Variants in DLGAP4 observed in about 807,000 individuals in gnomAD.
DLGAP4 encodes the protein DLG associated protein 4, also known as disks large-associated protein 4.
DLGAP4 carries 18 observed loss-of-function variants against 86.9 expected under a neutral mutation model. The ratio of observed to expected loss-of-function variants is 0.21; its 90% CI spans 0.14 to 0.31. The LOEUF (loss-of-function observed/expected upper bound fraction) is 0.31, where lower values mean the gene tolerates loss of function less well. DLGAP4 is among the 10% of genes least tolerant of loss of function. The pLI is 1.00. For synonymous variants in DLGAP4, 548 were observed against 574.3 expected (o/e 0.95, Z 0.65); for missense variants, 1,085 against 1,362.6 (o/e 0.80, Z 3.21).
intron 1 of DLGAP4, among the ~76,000 whole-genome samples, chr20:36,307,569 G>A (rs1046664983): frequency 1.3e-5 from 2 of 152,338 alleles, no homozygotes; most frequent in South Asian, 2.1e-4. Context: ...TGCCGGGAGC[G>A]GTGGGTAGAG....
intron 8 of DLGAP4, 134 bp from the exon 9 acceptor site, chr20:36,499,454 G>T (rs1001031797): frequency 3.7e-6 from 5 of 1,340,422 alleles, no homozygotes. Context: ...TGCAGTGTCC[G>T]CATGCCTCGT....
intron 1 of DLGAP4, among the ~76,000 whole-genome samples, chr20:36,312,551 T>C (rs1393123147): frequency 1.3e-5 from 2 of 152,122 alleles, no homozygotes; most frequent in African/African-American, 4.8e-5. Flanking sequence ...GCATAAGATG[T>C]GGGCAGGTTC....
Position 36,432,285 on chromosome 20 carries a change from G to T in DLGAP4, c.568G>T (p.Ala190Ser), listed in dbSNP as rs1446249863. The change falls in exon 3 of 13, where the codon GCT becomes TCT. Residue 190 changes from alanine (A) to serine (S), a missense_variant. By Grantham distance (99) the Ala-to-Ser change is moderately conservative. Transcript: ENST00000339266. The surrounding 1 kb of genome is among the most constrained non-coding windows in gnomAD (Gnocchi z 6.5). ...RRAKSKERAK[A>S]GEPKRRSRSN... is the part of the protein sequence containing the mutation. ...GGCCAAAAGCAAGGAGCGGGCCAAG[G>T]CTGGGGAGCCCAAACGGCGCAGCCG... The T allele has an allele frequency of 6.2e-7, 1 of 1,613,650 alleles. No individual in the cohort carries two copies. Among genetic ancestry groups the T allele is most frequent in the Non-Finnish European group, 8.5e-7 (1 of 1,179,884 alleles).
At position 36,436,345 on chromosome 20, in the gene DLGAP4, C is replaced by G. The variant is rs771936973; in HGVS notation, c.1236C>G (p.Pro412=). The change falls in exon 4 of 13, where the codon CCC becomes CCG. Residue 412 remains proline, a synonymous_variant. Transcript: ENST00000339266. ...AGTCGCTGGGAGAGCAGAGCAACCC[C>G]CGCAGGTAGGCGCGCAGCTCCACCC... The part of the protein sequence containing the change: ...TQQSLGEQSN[P]RRSLDRLDSV... The G allele has an allele frequency of 2.5e-6, 4 of 1,593,166 alleles. No homozygotes were observed. The Middle Eastern group carries it at 5.1e-4, about 201-fold the overall frequency.
intron 3 of DLGAP4, among the ~76,000 whole-genome samples, chr20:36,433,091 C>G (rs1279624622): frequency 6.6e-6 from 1 of 152,192 alleles, no homozygotes; most frequent in African/African-American, 2.4e-5. Flanking sequence ...ACAGGGATCA[C>G]ATCTGATGCA....
intron 7 of DLGAP4, among the ~76,000 whole-genome samples, chr20:36,458,080 G>T (rs912599452): frequency 2.0e-5 from 3 of 152,150 alleles, no homozygotes; most frequent in Admixed American, 6.5e-5. Context: ...GGTAAGAGGT[G>T]AGGTTCGAGG....
At position 36,370,993 on chromosome 20, in the gene DLGAP4, G is replaced by A. The variant is rs908514806; in HGVS notation, c.-73+3718G>A. 3.9e-5 allele frequency among the ~76,000 whole-genome samples: 6 copies of A among 152,310 alleles called. No homozygotes were observed. The East Asian group carries it at 1.2e-3, about 29-fold the overall frequency. On this transcript the variant is annotated intron_variant, in intron 2 of 12. Transcript: ENST00000339266. ...TCTTTAATCTTCAGAACAACCTTGT[G>A]GGATTAGCAGTATTGGCCCCATTTT... is the stretch of plus-strand genomic sequence containing the variant.
intron 2 of DLGAP4, among the ~76,000 whole-genome samples, chr20:36,390,030 G>A (rs1266560149): frequency 6.6e-6 from 1 of 152,230 alleles, no homozygotes; most frequent in Non-Finnish European, 1.5e-5. Context: ...AAACAGCCAG[G>A]ACCACACCTA....
Position 36,496,833 on chromosome 20 carries a change from C to G in DLGAP4, c.1777C>G (p.Gln593Glu). Residue 593 changes from glutamine (Q) to glutamate (E), a missense_variant, in exon 8 of 13, where the codon CAG becomes GAG. Gln to Glu is a conservative substitution (Grantham distance 29, BLOSUM62 2). Coordinates refer to ENST00000339266, the MANE Select transcript of DLGAP4 (RefSeq NM_001365621.2). ...ESAQDTYLDS[Q>E]DHKSEVTSQS... ...TGCCCAGGACACCTACCTGGACAGC[C>G]AGGACCACAAGAGCGAGGTGACTAG... is the stretch of plus-strand genomic sequence containing the variant. 1 of 1,614,218 alleles carries G rather than the reference C, an allele frequency of 6.2e-7. No homozygotes were observed. Among genetic ancestry groups the G allele is most frequent in the Non-Finnish European group, 8.5e-7 (1 of 1,180,040 alleles).
chr20:36,489,985 A>G (rs1193515391), intron 7 of DLGAP4, among the ~76,000 whole-genome samples: 2 of 147,838 alleles, frequency 1.4e-5, no homozygotes, highest in Admixed American at 1.4e-4. Context: ...CAGCCTCCCT[A>G]GTAGCTGGAA....
Position 36,500,180 on chromosome 20 carries a change from A to T in DLGAP4, c.2100-19A>T. Reference sequence around the variant, plus strand: ...ACTCACTCCTTCCTGTCCCCACCCCATCCACCCCCTACCCACAGAAGCAGC... The same window carrying T: ...ACTCACTCCTTCCTGTCCCCACCCCTTCCACCCCCTACCCACAGAAGCAGC... On this transcript the variant is annotated intron_variant, in intron 9 of 12. Transcript: ENST00000339266. The surrounding 1 kb of genome is among the most constrained non-coding windows in gnomAD (Gnocchi z 4.6). 2.6e-6 allele frequency: 2 copies of T among 763,194 alleles called. No individual in the cohort carries two copies. Among genetic ancestry groups the T allele is most frequent in the Non-Finnish European group, 3.6e-6 (2 of 562,406 alleles). The allele number at this position is 763,194 out of a possible 1,614,324, so 47.3% of individuals were successfully genotyped here. A position where few individuals can be genotyped will look rare whatever the true frequency, so the allele number is the denominator to read the frequency against.
In DLGAP4 at chr20:36,465,911, A is replaced by T. The variant is rs143711711; in HGVS notation, c.1648+18974A>T. Among the ~76,000 whole-genome samples the T allele has an allele frequency of 3.0e-3, 457 of 152,144 alleles. 3 individuals carry two copies. Among genetic ancestry groups the T allele is most frequent in the African/African-American group, 0.011 (442 of 41,488 alleles). On this transcript the variant is annotated intron_variant, in intron 7 of 12. Transcript: ENST00000339266. ...GTGCCCTCTCTTCCCCTAGAGGCCC[A>T]CACTGTCAAATGCCACCTCCCCCAG...
At chr20:36,368,172 C>G (rs2030767673) in intron 2 of DLGAP4, among the ~76,000 whole-genome samples, 1 of 152,232 alleles carries the variant, frequency 6.6e-6, no homozygotes, top group African/African-American at 2.4e-5. Flanking sequence ...AGGGAAACCT[C>G]TCTTACCTCC....
chr20:36,351,676 A>T (rs1339424355), intron 1 of DLGAP4, among the ~76,000 whole-genome samples: 1 of 152,118 alleles, frequency 6.6e-6, no homozygotes, highest in African/African-American at 2.4e-5. Flanking sequence ...ATCTGTGGAA[A>T]AACTATTTTC....
intron 1 of DLGAP4, among the ~76,000 whole-genome samples, chr20:36,312,363 G>C (rs929060357): frequency 1.3e-5 from 2 of 150,510 alleles, no homozygotes; most frequent in South Asian, 4.2e-4. Flanking sequence ...ACACATGCAC[G>C]CGCGAACACA....
intron 2 of DLGAP4, among the ~76,000 whole-genome samples, chr20:36,418,267 C>A (rs1256106687): frequency 6.6e-6 from 1 of 151,360 alleles, no homozygotes; most frequent in Non-Finnish European, 1.5e-5. Context: ...GCGCTCACTG[C>A]CACACCTGGC....
intron 7 of DLGAP4, among the ~76,000 whole-genome samples, chr20:36,495,576 C>T (rs2035853257): frequency 6.6e-6 from 1 of 152,206 alleles, no homozygotes; most frequent in African/African-American, 2.4e-5. Flanking sequence ...GAGTTCTCAT[C>T]GTCTGAGAAG....
rs2037843942 is a variant in DLGAP4 at position 36,527,552 on chromosome 20, G to GCCCTCTC, written c.*522_*528dup. 1 of 153,048 alleles carries GCCCTCTC rather than the reference G, an allele frequency of 6.5e-6. No homozygotes were observed. Among genetic ancestry groups the GCCCTCTC allele is most frequent in the Non-Finnish European group, 1.5e-5 (1 of 68,466 alleles). The allele number at this position is 153,048 out of a possible 1,614,324, so 9.5% of individuals were successfully genotyped here. ...GTGGCAAGCGGCTTTCTGGGTCTCA[G>GCCCTCTC]CCCTCTCTGCGGTTGAGGGCCCAGA... On this transcript the variant is annotated 3_prime_UTR_variant, in exon 13 of 13. Transcript: ENST00000339266.
At chr20:36,481,832 C>T (rs2035199579) in intron 7 of DLGAP4, among the ~76,000 whole-genome samples, 1 of 152,160 alleles carries the variant, frequency 6.6e-6, no homozygotes, top group Non-Finnish European at 1.5e-5. Flanking sequence ...GGGACTGCGC[C>T]CTCTCTGGTC....
Sources: allele counts gnomAD v4.1 joint callset (sites outside exome capture counted in the v4.1 genomes callset), GRCh38; gene constraint gnomAD v4.1.1; non-coding constraint Gnocchi (gnomAD v3.1); transcripts MANE v1.5; gene names NCBI Gene and HGNC (gene_info 2026-07-23, HGNC 2026-07-21).